ENTREP2: variants seen among roughly 807,000 people sequenced by gnomAD.
ENTREP2 encodes endosomal transmembrane epsin interactor 2.
At chr15:29,431,734 G>T in the ENTREP2 span, among the ~76,000 whole-genome samples, 1 of 152,144 alleles carries the variant, frequency 6.6e-6, no homozygotes, top group South Asian at 2.1e-4. Context: ...AAATTAAAAA[G>T]TAAAATAAAT....
the ENTREP2 span, among the ~76,000 whole-genome samples, chr15:29,372,886 A>G: frequency 6.6e-6 from 1 of 152,204 alleles, no homozygotes; most frequent in African/African-American, 2.4e-5. Flanking sequence ...TTCAAAAAAA[A>G]TAATATTGGG....
the ENTREP2 span, among the ~76,000 whole-genome samples, chr15:29,504,216 G>T: frequency 5.3e-5 from 8 of 152,304 alleles, no homozygotes; most frequent in Admixed American, 3.3e-4. Flanking sequence ...GCAGCATGTT[G>T]TAAAGGCAGA....
the ENTREP2 span, among the ~76,000 whole-genome samples, chr15:29,409,796 A>G: frequency 6.6e-6 from 1 of 151,972 alleles, no homozygotes; most frequent in African/African-American, 2.4e-5. Flanking sequence ...TTAAATTTCC[A>G]CTTTCCAGTT....
the ENTREP2 span, among the ~76,000 whole-genome samples, chr15:29,304,334 T>C: frequency 1.3e-5 from 2 of 152,162 alleles, no homozygotes. Context: ...ATTAAGAGAA[T>C]GTACATTCTT....
chr15:29,447,340 T>C, the ENTREP2 span, among the ~76,000 whole-genome samples: 9 of 152,352 alleles, frequency 5.9e-5, no homozygotes, highest in South Asian at 1.9e-3. Flanking sequence ...TCAGTGGGCA[T>C]GCCTTTACTC....
At chr15:29,386,326 G>A in the ENTREP2 span, among the ~76,000 whole-genome samples, 1 of 152,144 alleles carries the variant, frequency 6.6e-6, no homozygotes, top group Non-Finnish European at 1.5e-5. Flanking sequence ...CGATGCCGTG[G>A]AGATGGAGCC....
the ENTREP2 span, among the ~76,000 whole-genome samples, chr15:29,150,537 G>A: frequency 6.6e-6 from 1 of 152,158 alleles, no homozygotes; most frequent in African/African-American, 2.4e-5. Context: ...TACAGAACAC[G>A]TTGGAGAAAA....
chr15:29,461,015 C>T, the ENTREP2 span, among the ~76,000 whole-genome samples: 2 of 152,176 alleles, frequency 1.3e-5, no homozygotes, highest in African/African-American at 2.4e-5. Flanking sequence ...CACTATAGAA[C>T]ATTTATTCTA....
chr15:29,546,441 T>TA, the ENTREP2 span, among the ~76,000 whole-genome samples: 103 of 148,898 alleles, frequency 6.9e-4, 1 homozygote, highest in East Asian at 7.5e-3. Flanking sequence ...GTAATAGGGG[T>TA]AAAAAAAAAG....
chr15:29,619,043 T>C, the ENTREP2 span, among the ~76,000 whole-genome samples: 1 of 152,168 alleles, frequency 6.6e-6, no homozygotes, highest in Non-Finnish European at 1.5e-5. Flanking sequence ...CATTTGAGTT[T>C]TGAAGCGAAA....
chr15:29,405,279 C>T, the ENTREP2 span, among the ~76,000 whole-genome samples: 1 of 151,914 alleles, frequency 6.6e-6, no homozygotes, highest in Non-Finnish European at 1.5e-5. Flanking sequence ...ATCCCAGCTA[C>T]TCAGGAGGCT....
At chr15:29,211,104 T>C in the ENTREP2 span, among the ~76,000 whole-genome samples, 1 of 152,184 alleles carries the variant, frequency 6.6e-6, no homozygotes, top group Admixed American at 6.5e-5. Context: ...TACTACATAA[T>C]AATGGAAAGA....
At chr15:29,576,513 A>G in the ENTREP2 span, among the ~76,000 whole-genome samples, 1 of 152,264 alleles carries the variant, frequency 6.6e-6, no homozygotes, top group Non-Finnish European at 1.5e-5. Flanking sequence ...ATCAAAGCAC[A>G]TTGTCAAGAA....
chr15:29,268,477 A>T, the ENTREP2 span: 1 of 322,314 alleles, frequency 3.1e-6, no homozygotes, highest in Admixed American at 4.8e-5. Context: ...AAAGCAACTT[A>T]CTTATGTGTT....
chr15:29,645,634 T>G, the ENTREP2 span, among the ~76,000 whole-genome samples: 1 of 151,658 alleles, frequency 6.6e-6, no homozygotes, highest in Non-Finnish European at 1.5e-5. Flanking sequence ...CTCGGCTCAC[T>G]ACAAGCTCTG....
At chr15:29,513,319 C>G in the ENTREP2 span, among the ~76,000 whole-genome samples, 1 of 152,116 alleles carries the variant, frequency 6.6e-6, no homozygotes, top group Admixed American at 6.5e-5. Flanking sequence ...AACACTTTGT[C>G]AAATTAATTA....
At chr15:29,235,041 C>T in the ENTREP2 span, 23 of 1,169,666 alleles carry the variant, frequency 2.0e-5, no homozygotes, top group Admixed American at 3.7e-4. Context: ...TCTCTTCTTC[C>T]CAGGTAGTGG....
At chr15:29,475,912 G>A in the ENTREP2 span, among the ~76,000 whole-genome samples, 1 of 152,216 alleles carries the variant, frequency 6.6e-6, no homozygotes, top group Non-Finnish European at 1.5e-5. Flanking sequence ...TGCCCAAGTG[G>A]TTGGCATCTG....
At chr15:29,544,640 G>A in the ENTREP2 span, among the ~76,000 whole-genome samples, 5 of 152,210 alleles carry the variant, frequency 3.3e-5, no homozygotes, top group African/African-American at 9.6e-5. Context: ...GAAAGCCTTC[G>A]TAACCCCTCA....
Sources: allele counts gnomAD v4.1 joint callset (sites outside exome capture counted in the v4.1 genomes callset), GRCh38; gene constraint gnomAD v4.1.1; transcripts MANE v1.5; gene names NCBI Gene and HGNC (gene_info 2026-07-23, HGNC 2026-07-21).